NELL1: variants seen among roughly 807,000 people sequenced by gnomAD.
The protein encoded by NELL1 is protein kinase C-binding protein NELL1.
NELL1 carries 76 observed loss-of-function variants against 107.4 expected under a neutral mutation model. The ratio of observed to expected loss-of-function variants is 0.71; its 90% CI spans 0.59 to 0.86. The LOEUF is 0.86. NELL1 is among the 40% of genes least tolerant of loss of function. The pLI, the probability that NELL1 is intolerant of heterozygous loss-of-function variation, is 0.00. For missense variants in NELL1, 1,024 were observed against 1,005.5 expected (o/e 1.02, Z -0.25); for synonymous variants, 353 against 341.2 (o/e 1.03, Z -0.38).
chr11:20,670,860 T>C (rs78506269), intron 1 of NELL1, among the ~76,000 whole-genome samples: 12,159 of 152,260 alleles, frequency 0.08, 1,278 homozygotes, highest in East Asian at 0.5. Context: ...ATTTCCTTCT[T>C]TAGAGGCGTG....
chr11:20,901,501 C>T (rs959474533), intron 5 of NELL1, among the ~76,000 whole-genome samples: 7 of 151,564 alleles, frequency 4.6e-5, no homozygotes, highest in Non-Finnish European at 7.4e-5. Flanking sequence ...ATAATAAAAA[C>T]GTCTGCTTCT....
intron 1 of NELL1, among the ~76,000 whole-genome samples, chr11:20,673,052 G>A (rs1397923220): frequency 1.4e-5 from 2 of 147,448 alleles, no homozygotes; most frequent in Non-Finnish European, 3.0e-5. Context: ...AGTAGAGATG[G>A]AGTTTCTTCA....
chr11:21,268,234 G>A (rs1308008228), intron 14 of NELL1, among the ~76,000 whole-genome samples: 2 of 152,098 alleles, frequency 1.3e-5, no homozygotes, highest in Non-Finnish European at 2.9e-5. Flanking sequence ...AACTCCATAG[G>A]GTCGGAGGAT....
At chr11:20,711,175 TC>T (rs1855104771) in intron 2 of NELL1, among the ~76,000 whole-genome samples, 1 of 152,144 alleles carries the variant, frequency 6.6e-6, no homozygotes, top group South Asian at 2.1e-4. Context: ...CTATGAACTT[TC>T]CTCCTAGAAC....
chr11:20,823,134 A>G (rs1857797055), intron 3 of NELL1, among the ~76,000 whole-genome samples: 1 of 151,478 alleles, frequency 6.6e-6, no homozygotes, highest in Non-Finnish European at 1.5e-5. Context: ...TTTACAAAAG[A>G]AAGAAGTTTA....
chr11:21,233,746 A>G (rs904393701), intron 14 of NELL1, among the ~76,000 whole-genome samples: 3 of 152,232 alleles, frequency 2.0e-5, no homozygotes, highest in African/African-American at 7.2e-5. Context: ...CCAGTCCTGC[A>G]TTAATGCCAA....
intron 2 of NELL1, among the ~76,000 whole-genome samples, chr11:20,729,452 A>G (rs1006172256): frequency 6.6e-6 from 1 of 152,120 alleles, no homozygotes; most frequent in African/African-American, 2.4e-5. Context: ...TTTGTCATAG[A>G]TGGCTTTTAT....
At chr11:21,481,205 G>A (rs887965357) in intron 15 of NELL1, among the ~76,000 whole-genome samples, 6 of 152,128 alleles carry the variant, frequency 3.9e-5, no homozygotes, top group Admixed American at 3.9e-4. Flanking sequence ...TGACCCACAG[G>A]TAAAGTCTCT....
intron 15 of NELL1, among the ~76,000 whole-genome samples, chr11:21,533,836 G>A (rs1856057966): frequency 6.6e-6 from 1 of 152,112 alleles, no homozygotes; most frequent in African/African-American, 2.4e-5. Context: ...GTAATTATTA[G>A]CTAAATAAAT....
At chr11:21,182,469 C>A (rs73452226) in intron 13 of NELL1, among the ~76,000 whole-genome samples, 3,568 of 150,268 alleles carry the variant, frequency 0.024, 222 homozygotes, top group African/African-American at 0.08. Flanking sequence ...AGAAAATGGG[C>A]TCCATTGAAC....
intron 19 of NELL1, among the ~76,000 whole-genome samples, chr11:21,573,963 C>T (rs4922848): frequency 0.64 from 97,666 of 151,672 alleles, 35,184 homozygotes; most frequent in Non-Finnish European, 0.82. Context: ...ATTTCATTAA[C>T]AGTGATTATT....
intron 13 of NELL1, among the ~76,000 whole-genome samples, chr11:21,121,139 A>G (rs1272771877): frequency 3.9e-5 from 6 of 152,198 alleles, no homozygotes; most frequent in Non-Finnish European, 8.8e-5. Context: ...GTCAAGGTCA[A>G]GAGCCACTGC....
chr11:21,059,703 C>G lies in NELL1; in HGVS notation c.1301-53886C>G, dbSNP rs564827065. ...GTCATCTCTTCTATGCCCTATAGGA[C>G]CCCAGGAATAACAGAGCATGGGGAT... is the stretch of plus-strand genomic sequence containing the variant. On this transcript the variant is annotated intron_variant, in intron 12 of 19. Transcript: ENST00000357134. Among the ~76,000 whole-genome samples, 20 of 152,202 alleles carry G rather than the reference C, an allele frequency of 1.3e-4. No individual in the cohort carries two copies. The South Asian group carries it at 4.2e-3, about 32-fold the overall frequency.
intron 12 of NELL1, among the ~76,000 whole-genome samples, chr11:20,970,748 G>C (rs1851482956): frequency 6.6e-6 from 1 of 151,748 alleles, no homozygotes; most frequent in African/African-American, 2.4e-5. Context: ...ATGGTTGATA[G>C]TTGGATGGGG....
intron 14 of NELL1, among the ~76,000 whole-genome samples, chr11:21,309,300 G>GTATATATATATAATATATATATATA (rs1849694509): frequency 1.7e-5 from 1 of 58,142 alleles, no homozygotes; most frequent in Non-Finnish European, 4.0e-5. Context: ...ATATATATAT[G>GTATATATATATAATATATATATATA]TATATATATA....
intron 2 of NELL1, among the ~76,000 whole-genome samples, chr11:20,740,432 C>A (rs895742866): frequency 4.6e-5 from 7 of 152,196 alleles, no homozygotes; most frequent in African/African-American, 2.4e-5. Flanking sequence ...TCTTGCTCCT[C>A]TCCTTTGGGG....
intron 16 of NELL1, among the ~76,000 whole-genome samples, chr11:21,543,143 A>G (rs1856335759): frequency 6.6e-6 from 1 of 152,028 alleles, no homozygotes; most frequent in East Asian, 1.9e-4. Flanking sequence ...ATGCTAAACA[A>G]TAAGACCCAC....
chr11:21,021,975 C>T (rs1012692715), intron 12 of NELL1, among the ~76,000 whole-genome samples: 14 of 152,140 alleles, frequency 9.2e-5, no homozygotes, highest in African/African-American at 3.4e-4. Flanking sequence ...TTGTCCTGTA[C>T]ATTGTAGGAT....
intron 12 of NELL1, among the ~76,000 whole-genome samples, chr11:21,009,627 T>A (rs1852404214): frequency 6.6e-6 from 1 of 152,094 alleles, no homozygotes; most frequent in African/African-American, 2.4e-5. Context: ...TTTGCCAGTT[T>A]GCTGAGAAGA....
Sources: allele counts gnomAD v4.1 joint callset (sites outside exome capture counted in the v4.1 genomes callset), GRCh38; gene constraint gnomAD v4.1.1; transcripts MANE v1.5; gene names NCBI Gene and HGNC (gene_info 2026-07-23, HGNC 2026-07-21).